The following RPTOR variants were observed in gnomAD, a reference collection of about 807,000 sequenced individuals.
RPTOR encodes the protein regulatory-associated protein of mTOR.
Under a neutral mutation model 169.9 loss-of-function variants are expected in RPTOR, and 21 were observed. The observed-to-expected ratio is 0.12, with a 90% confidence interval of 0.09 to 0.18. The LOEUF is 0.18. Ranked by LOEUF, RPTOR falls within the 10% of genes least tolerant of loss-of-function variation. The probability of loss-of-function intolerance (pLI) is 1.00; values close to 1 mark genes in which losing one functional copy is unlikely to be tolerated. For synonymous variants in RPTOR, 732 were observed against 753.2 expected, an observed-to-expected ratio of 0.97 and a Z score of 0.46; for missense variants, 1,133 against 1,855.9, an observed-to-expected ratio of 0.61 and a Z score of 7.16.
intron 3 of RPTOR, among the ~76,000 whole-genome samples, chr17:80,668,221 A>G (rs1276830814): frequency 2.0e-5 from 3 of 152,112 alleles, no homozygotes; most frequent in Admixed American, 1.3e-4. Flanking sequence ...TTTGGGTTCA[A>G]CTTGTCAAGG....
At chr17:80,793,296 C>T (rs566241480) in intron 7 of RPTOR, among the ~76,000 whole-genome samples, 37 of 152,324 alleles carry the variant, frequency 2.4e-4, no homozygotes, top group African/African-American at 8.7e-4. Context: ...CCAAGCATTT[C>T]AGATAAAGGG....
chr17:80,718,758 G>A (rs112633200), intron 4 of RPTOR, among the ~76,000 whole-genome samples: 2 of 152,320 alleles, frequency 1.3e-5, no homozygotes, highest in African/African-American at 4.8e-5. Flanking sequence ...GCCTGAATTG[G>A]GTTTCAAAAG....
rs116889015 is a variant in RPTOR at position 80,707,376 on chromosome 17, A to G, written c.349-465A>G. On this transcript the variant is annotated intron_variant, in intron 3 of 33. Coordinates refer to ENST00000306801, the MANE Select transcript of RPTOR (RefSeq NM_020761.3). This position sits in a 1 kb window ranked among gnomAD's most constrained non-coding sequence, Gnocchi z 5.0. Reference sequence around the variant, plus strand: ...GTTTGTTGAATGAATATTTATAACCATCATGTGTGGCAGTTCTTATGTAGT... The same window carrying G: ...GTTTGTTGAATGAATATTTATAACCGTCATGTGTGGCAGTTCTTATGTAGT... Among the ~76,000 whole-genome samples the G allele has an allele frequency of 1.0e-3, 153 of 152,290 alleles. No individual in the cohort carries two copies. The highest frequency in any genetic ancestry group is 2.0e-3 in the Non-Finnish European group (138 of 68,030).
chr17:80,680,611 A>C (rs1468335823), intron 3 of RPTOR, among the ~76,000 whole-genome samples: 1 of 152,200 alleles, frequency 6.6e-6, no homozygotes, highest in Admixed American at 6.5e-5. Context: ...CCTGGGCAAC[A>C]GAGTGAGACT....
chr17:80,744,465 ACAGCC>A (rs1375088819), intron 5 of RPTOR, among the ~76,000 whole-genome samples: 4 of 103,478 alleles, frequency 3.9e-5, no homozygotes, highest in East Asian at 2.4e-4. Context: ...GGTTACTAGC[ACAGCC>A]CTGGTTACTA....
At chr17:80,620,218 T>C (rs2143516108) in intron 1 of RPTOR, among the ~76,000 whole-genome samples, 1 of 152,324 alleles carries the variant, frequency 6.6e-6, no homozygotes, top group South Asian at 2.1e-4. Flanking sequence ...CTTTTCAAAT[T>C]CAAAATTAAC....
intron 21 of RPTOR, among the ~76,000 whole-genome samples, chr17:80,922,055 G>A (rs80259061): frequency 0.025 from 3,802 of 152,310 alleles, 143 homozygotes; most frequent in African/African-American, 0.087. Flanking sequence ...GCCCCCTGCA[G>A]TCATTCTCTG....
At chr17:80,935,926 A>T (rs2068950029) in intron 24 of RPTOR, among the ~76,000 whole-genome samples, 1 of 152,254 alleles carries the variant, frequency 6.6e-6, no homozygotes, top group Admixed American at 6.5e-5. Context: ...TGAAAAGACA[A>T]GTCACAGACA....
At chr17:80,654,726 T>A (rs1057479162) in intron 3 of RPTOR, among the ~76,000 whole-genome samples, 2 of 152,190 alleles carry the variant, frequency 1.3e-5, no homozygotes, top group African/African-American at 4.8e-5. Flanking sequence ...TAAGTTTTAT[T>A]TTTATAAACA....
intron 4 of RPTOR, among the ~76,000 whole-genome samples, chr17:80,718,012 G>T (rs546568727): frequency 1.3e-5 from 2 of 152,292 alleles, no homozygotes; most frequent in South Asian, 4.1e-4. Flanking sequence ...AAGGAGAAAG[G>T]TTTTTCCCAC....
At chr17:80,785,289 A>G (rs975336442) in intron 6 of RPTOR, among the ~76,000 whole-genome samples, 8 of 152,262 alleles carry the variant, frequency 5.3e-5, no homozygotes, top group Admixed American at 1.3e-4. Flanking sequence ...GAGCAGGGAT[A>G]TTAGGGACTG....
At chr17:80,935,366 T>C (rs150585367) in intron 24 of RPTOR, among the ~76,000 whole-genome samples, 243 of 152,198 alleles carry the variant, frequency 1.6e-3, no homozygotes, top group African/African-American at 5.2e-3. Context: ...ATTCTAAAAT[T>C]TATGGGGAAA....
At chr17:80,923,829 G>C in intron 23 of RPTOR, 156 bp downstream of exon 23, 1 of 800,568 alleles carries the variant, frequency 1.2e-6, no homozygotes, top group South Asian at 1.9e-5. Context: ...TGCCTTTGCA[G>C]ACCCGGGTGC....
chr17:80,744,817 C>T (rs75526301), intron 5 of RPTOR, among the ~76,000 whole-genome samples: 148 of 6,280 alleles, frequency 0.024, no homozygotes, highest in East Asian at 0.1. Context: ...ACTGTCCTGG[C>T]TACTAGCACA....
chr17:80,552,504 C>A (rs1217368660), intron 1 of RPTOR, among the ~76,000 whole-genome samples: 2 of 152,196 alleles, frequency 1.3e-5, no homozygotes, highest in Admixed American at 1.3e-4. Flanking sequence ...CCTACTTCCT[C>A]CTGGAGATGT....
chr17:80,767,100 C>A (rs1173852491), intron 6 of RPTOR, among the ~76,000 whole-genome samples: 1 of 152,158 alleles, frequency 6.6e-6, no homozygotes, highest in African/African-American at 2.4e-5. Context: ...GGGCCAGGTG[C>A]GGGGGCTCAT....
intron 28 of RPTOR, among the ~76,000 whole-genome samples, chr17:80,956,703 T>C (rs1053419959): frequency 5.3e-5 from 8 of 152,226 alleles, no homozygotes; most frequent in Non-Finnish European, 7.3e-5. Flanking sequence ...GTGAGCACCT[T>C]AGACAGACGT....
chr17:80,712,268 G>T (rs114443945), intron 4 of RPTOR, among the ~76,000 whole-genome samples: 2 of 152,084 alleles, frequency 1.3e-5, no homozygotes, highest in Non-Finnish European at 2.9e-5. Context: ...TGATGTACAT[G>T]CTGCAGATTT....
intron 23 of RPTOR, 36 bp from the exon 24 acceptor site, chr17:80,925,334 C>G: frequency 1.3e-6 from 2 of 1,584,290 alleles, no homozygotes; most frequent in East Asian, 2.2e-5. Flanking sequence ...ACTGGTGTTT[C>G]TTTTTCCTTC....
Sources: allele counts gnomAD v4.1 joint callset (sites outside exome capture counted in the v4.1 genomes callset), GRCh38; gene constraint gnomAD v4.1.1; non-coding constraint Gnocchi (gnomAD v3.1); transcripts MANE v1.5; gene names NCBI Gene and HGNC (gene_info 2026-07-23, HGNC 2026-07-21).